The following PRORP variants were observed in gnomAD, a reference collection of about 807,000 sequenced individuals.
PRORP encodes protein only RNase P catalytic subunit.
A neutral mutation model predicts 59.4 loss-of-function variants in PRORP; 51 were observed. The observed-to-expected ratio is 0.86, with a 90% CI of 0.69 to 1.08. PRORP has a LOEUF of 1.08. PRORP is among the 50% of genes least tolerant of loss of function. PRORP has a pLI of 0.00. For synonymous variants in PRORP, 231 were observed against 245.6 expected (o/e 0.94, Z 0.55); for missense variants, 646 against 690.3 (o/e 0.94, Z 0.72).
At position 35,273,568 on chromosome 14, in the gene PRORP, G is replaced by T; in HGVS notation, c.*2G>T. Reference sequence around the variant, plus strand: ...CTTTGCCTCCACCAAAAGACATAGAGATTCTTACCTCTATGCTAAGTTTGT... The same window carrying T: ...CTTTGCCTCCACCAAAAGACATAGATATTCTTACCTCTATGCTAAGTTTGT... On this transcript the variant is annotated 3_prime_UTR_variant, in exon 8 of 8. Coordinates refer to ENST00000534898, the MANE Select transcript of PRORP (RefSeq NM_014672.4). The T allele has an allele frequency of 6.2e-7, 1 of 1,611,662 alleles. No individual in the cohort carries two copies. Among genetic ancestry groups the T allele is most frequent in the Non-Finnish European group, 8.5e-7 (1 of 1,179,064 alleles).
At chr14:35,256,474 G>A (rs2050764250) in intron 5 of PRORP, among the ~76,000 whole-genome samples, 1 of 150,580 alleles carries the variant, frequency 6.6e-6, no homozygotes, top group Non-Finnish European at 1.5e-5. Context: ...TGCGATTACA[G>A]GCGCCTGCCA....
chr14:35,163,406 G>A (rs1039829520), intron 4 of PRORP, among the ~76,000 whole-genome samples: 3 of 151,932 alleles, frequency 2.0e-5, no homozygotes, highest in Non-Finnish European at 4.4e-5. Flanking sequence ...AAGGTGTTGT[G>A]ACCTGCAGTT....
chr14:35,173,849 T>C (rs763192805), intron 4 of PRORP, among the ~76,000 whole-genome samples: 4 of 152,206 alleles, frequency 2.6e-5, no homozygotes, highest in Admixed American at 1.3e-4. Context: ...GGGTCTCCTA[T>C]TGTAATCAAA....
chr14:35,132,875 G>T (rs991032726), intron 4 of PRORP, among the ~76,000 whole-genome samples: 1 of 151,582 alleles, frequency 6.6e-6, no homozygotes, highest in African/African-American at 2.4e-5. Flanking sequence ...AAGTAAGTTT[G>T]ATCATTCAAT....
chr14:35,209,229 A>G (rs1333650592), intron 5 of PRORP, among the ~76,000 whole-genome samples: 1 of 152,076 alleles, frequency 6.6e-6, no homozygotes, highest in Non-Finnish European at 1.5e-5. Flanking sequence ...AGTAACTTTT[A>G]TACAAATCCA....
At chr14:35,175,986 A>G (rs1365563903) in intron 4 of PRORP, among the ~76,000 whole-genome samples, 2 of 152,128 alleles carry the variant, frequency 1.3e-5, no homozygotes, top group African/African-American at 2.4e-5. Flanking sequence ...AGCACCATTT[A>G]TTAAATAGGG....
intron 4 of PRORP, among the ~76,000 whole-genome samples, chr14:35,166,548 C>T (rs1298555784): frequency 1.4e-5 from 2 of 148,128 alleles, no homozygotes; most frequent in Non-Finnish European, 3.0e-5. Context: ...CTCCTGGATT[C>T]AAGCGATTCT....
chr14:35,203,796 C>T (rs2049220663), intron 5 of PRORP, among the ~76,000 whole-genome samples: 1 of 151,936 alleles, frequency 6.6e-6, no homozygotes, highest in Non-Finnish European at 1.5e-5. Flanking sequence ...CCCCAGGGGG[C>T]GGAGCCTGCA....
At chr14:35,224,887 CT>C (rs993242741) in intron 5 of PRORP, among the ~76,000 whole-genome samples, 57 of 147,736 alleles carry the variant, frequency 3.9e-4, no homozygotes, top group South Asian at 2.1e-4. Context: ...CAATGAACTC[CT>C]TTTTTTTTTG....
chr14:35,270,774 C>T (rs1457618420), intron 7 of PRORP, among the ~76,000 whole-genome samples, 178 bp downstream of exon 7: 2 of 151,992 alleles, frequency 1.3e-5, no homozygotes, highest in Non-Finnish European at 2.9e-5. Flanking sequence ...TTTCATAGGC[C>T]AACCTCAAAT....
intron 5 of PRORP, among the ~76,000 whole-genome samples, chr14:35,253,388 A>AGG (rs1452720770): frequency 3.9e-5 from 5 of 128,188 alleles, no homozygotes; most frequent in Admixed American, 2.3e-4. Context: ...GAAAGAAAGA[A>AGG]AAAGAAAGAA....
chr14:35,172,896 T>C (rs1282460469), intron 4 of PRORP, among the ~76,000 whole-genome samples: 1 of 150,304 alleles, frequency 6.7e-6, no homozygotes, highest in Non-Finnish European at 1.5e-5. Flanking sequence ...GAGATAGAGT[T>C]TCTCTCTGTT....
chr14:35,239,944 G>C (rs1247465983), intron 5 of PRORP, among the ~76,000 whole-genome samples: 2 of 151,960 alleles, frequency 1.3e-5, no homozygotes, highest in Non-Finnish European at 2.9e-5. Context: ...GCGTGGTGGC[G>C]TGCGCCTGTA....
In PRORP at chr14:35,124,306, T is replaced by G; in HGVS notation, c.986+75T>G. ...TTTTTGAGACAGGGTCTTGCTCTGT[T>G]GCCCAGACTGGAGTGCAGTGGTGTG... On this transcript the variant is annotated intron_variant, in intron 2 of 7. Coordinates refer to ENST00000534898, the MANE Select transcript of PRORP (RefSeq NM_014672.4). 3 of 1,010,504 alleles carry G rather than the reference T, an allele frequency of 3.0e-6. No homozygotes were observed. In the South Asian group the frequency reaches 5.6e-5, roughly 19 times the overall value. 62.6% of individuals were successfully genotyped at this position (1,010,504 alleles called of 1,614,324 possible). A position where few individuals can be genotyped will look rare whatever the true frequency, so the allele number is the denominator to read the frequency against.
intron 5 of PRORP, among the ~76,000 whole-genome samples, chr14:35,238,065 G>A (rs536373036): frequency 1.3e-5 from 2 of 149,274 alleles, no homozygotes; most frequent in Admixed American, 6.6e-5. Flanking sequence ...TTTTCTCTGC[G>A]TTTTATGTGA....
rs767145601 is a variant in PRORP, at chr14:35,275,100, C to T, written c.*1534C>T. 6.6e-6 allele frequency: 1 copy of T among 152,044 alleles called. No individual in the cohort carries two copies. Among genetic ancestry groups the T allele is most frequent in the African/African-American group, 2.4e-5 (1 of 41,472 alleles). The allele number at this position is 152,044 out of a possible 1,614,324, so 9.4% of individuals were successfully genotyped here. On this transcript the variant is annotated 3_prime_UTR_variant, in exon 8 of 8. Coordinates refer to ENST00000534898, the MANE Select transcript of PRORP (RefSeq NM_014672.4). The stretch of plus-strand genomic sequence containing the variant: ...ATGAGAGAACTTGAGAGAACTTTCT[C>T]GGGGTGATGGAAAGTTTCTTATATT...
chr14:35,148,956 T>C (rs1264110832), intron 4 of PRORP, among the ~76,000 whole-genome samples: 1 of 140,546 alleles, frequency 7.1e-6, no homozygotes, highest in African/African-American at 2.7e-5. Context: ...TCTCGCTCTG[T>C]GGCCCAGGTG....
intron 2 of PRORP, chr14:35,124,542 T>G: frequency 5.7e-6 from 1 of 176,350 alleles, no homozygotes; most frequent in Non-Finnish European, 1.2e-5. Flanking sequence ...TTAGTAAGAT[T>G]TATTTTCTCT....
intron 4 of PRORP, among the ~76,000 whole-genome samples, chr14:35,168,241 G>A (rs1054324678): frequency 6.6e-6 from 1 of 152,032 alleles, no homozygotes; most frequent in Non-Finnish European, 1.5e-5. Context: ...AGCAATGTTT[G>A]GAAATTCCAG....
Sources: allele counts gnomAD v4.1 joint callset (sites outside exome capture counted in the v4.1 genomes callset), GRCh38; gene constraint gnomAD v4.1.1; transcripts MANE v1.5; gene names NCBI Gene and HGNC (gene_info 2026-07-23, HGNC 2026-07-21).